Variants in PTGES observed in about 807,000 individuals in gnomAD.
PTGES encodes the protein prostaglandin E synthase.
In PTGES, 3 loss-of-function variants were observed where a neutral mutation model predicts 11.8. The ratio of observed to expected loss-of-function variants is 0.25; its 90% CI spans 0.12 to 0.66. The LOEUF is 0.66. PTGES is among the 30% of genes least tolerant of loss of function. PTGES has a pLI of 0.82. For missense variants in PTGES, 180 were observed against 213.0 expected, an observed-to-expected ratio of 0.85 and a Z score of 0.96; for synonymous variants, 94 against 90.4, an observed-to-expected ratio of 1.04 and a Z score of -0.22.
intron 1 of PTGES, among the ~76,000 whole-genome samples, chr9:129,752,541 C>G (rs914697553): frequency 6.6e-6 from 1 of 152,252 alleles, no homozygotes; most frequent in African/African-American, 2.4e-5. Context: ...TCAGACCTCC[C>G]GTGCCGGGAA....
chr9:129,740,254 C>A (rs913030514), intron 2 of PTGES, among the ~76,000 whole-genome samples: 1 of 152,096 alleles, frequency 6.6e-6, no homozygotes, highest in Non-Finnish European at 1.5e-5. Flanking sequence ...ACAGAGCCAA[C>A]GAGTGGAGGA....
chr9:129,739,748 C>A lies in PTGES; in HGVS notation c.322G>T (p.Val108Leu), dbSNP rs753531032. Residue 108 changes from valine to leucine, a missense_variant, in exon 3 of 3, where the codon GTG (valine) becomes TTG (leucine). Physicochemically the swap from Val to Leu is conservative, Grantham distance 32. Transcript: ENST00000340607. This position sits in a 1 kb window ranked among gnomAD's most constrained non-coding sequence, Gnocchi z 5.7. ...GCCACGGTGTGTGCCACACGGCCCA[C>A]GAGGAAGACCAGGAAGTGCATCCAG... Reference protein sequence around the residue: ...VAWMHFLVFLVGRVAHTVAYL... With the variant: ...VAWMHFLVFLLGRVAHTVAYL... 1 of 1,581,598 alleles carries A rather than the reference C, an allele frequency of 6.3e-7. No individual in the cohort carries two copies.
At chr9:129,742,303 C>T (rs190527465) in intron 2 of PTGES, among the ~76,000 whole-genome samples, 6 of 134,140 alleles carry the variant, frequency 4.5e-5, no homozygotes, top group Non-Finnish European at 6.1e-5. Flanking sequence ...CCAGCCTGGG[C>T]GACAGAGTGA....
chr9:129,748,915 A>G (rs527608365), intron 1 of PTGES, among the ~76,000 whole-genome samples, 178 bp from the exon 2 acceptor site: 2 of 152,312 alleles, frequency 1.3e-5, no homozygotes, highest in African/African-American at 4.8e-5. Context: ...CTCACCATGA[A>G]AAGGCCCCCC....
At chr9:129,750,865 CTGGA>C (rs1833096653) in intron 1 of PTGES, among the ~76,000 whole-genome samples, 1 of 152,130 alleles carries the variant, frequency 6.6e-6, no homozygotes, top group Non-Finnish European at 1.5e-5. Flanking sequence ...CAAGTCCTTC[CTGGA>C]TGATACTTAG....
Position 129,739,535 on chromosome 9 carries a change from G to A in PTGES, c.*76C>T, listed in dbSNP as rs993048463. 1 of 1,490,318 alleles carries A rather than the reference G, an allele frequency of 6.7e-7. No individual in the cohort carries two copies. Among genetic ancestry groups the A allele is most frequent in the African/African-American group, 1.4e-5 (1 of 71,704 alleles). 92.3% of individuals were successfully genotyped at this position (1,490,318 alleles called of 1,614,324 possible). ...CTCAGGGCCCACCACAATCTGGAAG[G>A]AACATCAAGTCCCCAGGTATAGCCA... On this transcript the variant is annotated 3_prime_UTR_variant, in exon 3 of 3. Transcript: ENST00000340607. The surrounding 1 kb of genome is among the most constrained non-coding windows in gnomAD (Gnocchi z 5.7).
rs1364098182 is a variant in PTGES at position 129,749,968 on chromosome 9, A to G, written c.127-1231T>C. Among the ~76,000 whole-genome samples the G allele has an allele frequency of 2.6e-5, 4 of 152,180 alleles. No homozygotes were observed. In the East Asian group the frequency reaches 5.8e-4, roughly 22 times the overall value. ...AAACCCAGCTCCGCGCTGATTAACC[A>G]CAGGATCCTGAACTCTGAAAACTCA... On this transcript the variant is annotated intron_variant, in intron 1 of 2. Transcript: ENST00000340607.
At chr9:129,742,656 G>A (rs1007148105) in intron 2 of PTGES, among the ~76,000 whole-genome samples, 5 of 151,926 alleles carry the variant, frequency 3.3e-5, no homozygotes, top group Admixed American at 6.6e-5. Flanking sequence ...GGCGGATCAC[G>A]AGGTCAGGAG....
At chr9:129,747,762 C>A (rs1305909131) in intron 2 of PTGES, among the ~76,000 whole-genome samples, 1 of 152,004 alleles carries the variant, frequency 6.6e-6, no homozygotes, top group Non-Finnish European at 1.5e-5. Context: ...GTAATCCTAG[C>A]AGTTTGGGAG....
intron 2 of PTGES, among the ~76,000 whole-genome samples, chr9:129,746,003 C>T (rs1833045453): frequency 6.6e-6 from 1 of 150,504 alleles, no homozygotes; most frequent in Non-Finnish European, 1.5e-5. Context: ...CATTGCATTT[C>T]AGCCTGGGGG....
Position 129,739,906 on chromosome 9 carries a change from G to C in PTGES, c.210-46C>G, listed in dbSNP as rs751500685. 6 of 1,534,668 alleles carry C rather than the reference G, an allele frequency of 3.9e-6. No homozygotes were observed. The highest frequency in any genetic ancestry group is 5.3e-6 in the Non-Finnish European group (6 of 1,137,474). ...CGGTCAGCCAGGTATTAGCTTTGGG[G>C]CCATAGGCCCTTTTGAGAGTGTCAT... On this transcript the variant is annotated intron_variant, in intron 2 of 2. Coordinates refer to ENST00000340607, the MANE Select transcript of PTGES (RefSeq NM_004878.5). The surrounding 1 kb of genome is among the most constrained non-coding windows in gnomAD (Gnocchi z 5.7).
Position 129,738,410 on chromosome 9 carries a change from AACAC to A in PTGES, c.*1197_*1200del, listed in dbSNP as rs71385459. 58,911 of 138,068 alleles carry A rather than the reference AACAC, an allele frequency of 0.43. 13,740 individuals carry two copies. Among genetic ancestry groups the A allele is most frequent in the Non-Finnish European group, 0.52 (33,403 of 63,720 alleles). The allele number at this position is 138,068 out of a possible 1,614,324, so 8.6% of individuals were successfully genotyped here. ...ATCTCAGGTCACGGGTCTAGGAGAA[AACAC>A]ACACACACACACACACACACACACA... On this transcript the variant is annotated 3_prime_UTR_variant, in exon 3 of 3. Coordinates refer to ENST00000340607, the MANE Select transcript of PTGES (RefSeq NM_004878.5). This position sits in a 1 kb window ranked among gnomAD's most constrained non-coding sequence, Gnocchi z 4.2.
rs1832975526 is a variant in PTGES at position 129,739,694 on chromosome 9, G to A, written c.376C>T (p.Arg126Cys). ...TGGGCCAGGGTGTAGGTCACGGAGC[G>A]GATGGGTGCCCGCAGCTTCCCCAGG... Reference protein sequence around the residue: ...AYLGKLRAPIRSVTYTLAQLP... With the variant: ...AYLGKLRAPICSVTYTLAQLP... The change falls in exon 3 of 3, where the codon CGC (arginine) becomes TGC (cysteine). Residue 126 changes from arginine to cysteine, a missense_variant. Arg to Cys is a radical substitution (Grantham distance 180). Transcript: ENST00000340607. This position sits in a 1 kb window ranked among gnomAD's most constrained non-coding sequence, Gnocchi z 5.7. The A allele has an allele frequency of 1.3e-6, 2 of 1,566,846 alleles. No homozygotes were observed. Among genetic ancestry groups the A allele is most frequent in the Non-Finnish European group, 1.7e-6 (2 of 1,156,046 alleles).
intron 1 of PTGES, 53 bp from the exon 2 acceptor site, chr9:129,748,790 C>T: frequency 6.9e-7 from 1 of 1,456,832 alleles, no homozygotes; most frequent in Non-Finnish European, 9.4e-7. Context: ...GCCCAGTCAC[C>T]TGGGGCTATG....
In PTGES at chr9:129,738,937, C is replaced by T. The variant is rs1301841086; in HGVS notation, c.*674G>A. The stretch of plus-strand genomic sequence containing the variant: ...ATCACTTGAGGCCAGGAGTTCGAGA[C>T]CCTCCTGGGCAACATGGTGAACCCG... On this transcript the variant is annotated 3_prime_UTR_variant, in exon 3 of 3. Coordinates refer to ENST00000340607, the MANE Select transcript of PTGES (RefSeq NM_004878.5). This position sits in a 1 kb window ranked among gnomAD's most constrained non-coding sequence, Gnocchi z 4.2. The T allele has an allele frequency of 6.6e-6, 1 of 152,366 alleles. No homozygotes were observed. Among genetic ancestry groups the T allele is most frequent in the African/African-American group, 2.4e-5 (1 of 41,454 alleles). The allele number at this position is 152,366 out of a possible 1,614,324, so 9.4% of individuals were successfully genotyped here. A position where few individuals can be genotyped will look rare whatever the true frequency, so the allele number is the denominator to read the frequency against.
At chr9:129,742,771 C>A (rs1833010294) in intron 2 of PTGES, among the ~76,000 whole-genome samples, 1 of 151,700 alleles carries the variant, frequency 6.6e-6, no homozygotes, top group Non-Finnish European at 1.5e-5. Flanking sequence ...ACTCGGGAGG[C>A]TGAGGCAGGG....
intron 1 of PTGES, among the ~76,000 whole-genome samples, chr9:129,751,702 G>A (rs888301990): frequency 1.3e-5 from 2 of 152,012 alleles, no homozygotes; most frequent in East Asian, 3.9e-4. Context: ...TCCAAGACAG[G>A]ATGTGGGCTC....
At chr9:129,740,179 C>G (rs532635275) in intron 2 of PTGES, among the ~76,000 whole-genome samples, 1 of 152,128 alleles carries the variant, frequency 6.6e-6, no homozygotes, top group Non-Finnish European at 1.5e-5. Context: ...TACTCTCCCC[C>G]ACCTTCCTCT....
At chr9:129,743,776 G>T (rs1833023685) in intron 2 of PTGES, among the ~76,000 whole-genome samples, 1 of 152,212 alleles carries the variant, frequency 6.6e-6, no homozygotes, top group East Asian at 1.9e-4. Flanking sequence ...AGAGCCGAGA[G>T]TGCCAGGCCC....
Sources: allele counts gnomAD v4.1 joint callset (sites outside exome capture counted in the v4.1 genomes callset), GRCh38; gene constraint gnomAD v4.1.1; non-coding constraint Gnocchi (gnomAD v3.1); transcripts MANE v1.5; gene names NCBI Gene and HGNC (gene_info 2026-07-23, HGNC 2026-07-21).